IRAK1: variants seen among roughly 807,000 people sequenced by gnomAD.
The protein encoded by IRAK1 is interleukin-1 receptor-associated kinase 1.
IRAK1 carries 9 observed loss-of-function variants against 49.8 expected under a neutral mutation model. The observed-to-expected ratio is 0.18, with a 90% CI of 0.11 to 0.32. The LOEUF is 0.32. Ranked by LOEUF, IRAK1 falls within the 10% of genes least tolerant of loss-of-function variation. IRAK1 has a pLI of 1.00. For missense variants in IRAK1, 418 were observed against 600.5 expected (o/e 0.70, Z 3.18); for synonymous variants, 282 against 270.8 (o/e 1.04, Z -0.41).
rs1557131072 is a variant in IRAK1, at chrX:154,019,793, G to A, written c.20C>T (p.Pro7Leu). MAGGPG[P>L]GEPAAPGAQH... ...GGCGCCGGGGGCTGCGGGCTCCCCC[G>A]GGCCCGGCCCCCCGGCCATGGCTGC... Residue 7 changes from proline (P) to leucine (L), a missense_variant, in exon 1 of 14, where the codon CCG (proline) becomes CTG (leucine). Pro to Leu is a moderately conservative substitution (Grantham distance 98, BLOSUM62 -3). Coordinates refer to ENST00000369980, the MANE Select transcript of IRAK1 (RefSeq NM_001569.4). 5 of 887,733 alleles carry A rather than the reference G, an allele frequency of 5.6e-6. No homozygotes were observed. Among genetic ancestry groups the A allele is most frequent in the Non-Finnish European group, 5.5e-6 (4 of 725,223 alleles). The allele number at this position is 887,733 out of a possible 1,213,427, so 73.2% of individuals were successfully genotyped here.
chrX:154,017,941 C>G (rs782688370), intron 7 of IRAK1, 65 bp downstream of exon 7: 4 of 853,159 alleles, frequency 4.7e-6, no homozygotes, highest in Non-Finnish European at 7.0e-6. Context: ...GCCCCGCGCC[C>G]GGCTCCAGCC....
chrX:154,012,104 G>T, intron 13 of IRAK1, among the ~76,000 whole-genome samples, 187 bp from the exon 14 acceptor site: 1 of 112,721 alleles, frequency 8.9e-6, no homozygotes, highest in South Asian at 3.6e-4. Context: ...GGAGTGCAGT[G>T]GCTTGATCAC....
At chrX:154,018,150 AGGCCAGACTGGGTG>A in intron 6 of IRAK1, 30 bp from the exon 7 acceptor site, 1 of 1,144,648 alleles carries the variant, frequency 8.7e-7, no homozygotes, top group Non-Finnish European at 1.2e-6. Flanking sequence ...ACTTTCCATC[AGGCCAGACTGGGTG>A]GGCAGCCCTG....
At position 154,018,311 on chromosome X, in the gene IRAK1, G is replaced by A. The variant is rs375667983; in HGVS notation, c.774C>T (p.Thr258=). Residue 258 remains threonine (T), a synonymous_variant, in exon 6 of 14, where the codon ACC becomes ACT. Transcript: ENST00000369980. ...EWTAVKQSFL[T]EVEQLSRFRH... Reference sequence around the variant, plus strand: ...CTCACCTGGACAGCTGCTCCACCTCGGTCAGGAAGCTCTGCTTCACTGCAG... The same window carrying A: ...CTCACCTGGACAGCTGCTCCACCTCAGTCAGGAAGCTCTGCTTCACTGCAG... 61 of 1,164,498 alleles carry A rather than the reference G, an allele frequency of 5.2e-5. No individual in the cohort carries two copies. Among genetic ancestry groups the A allele is most frequent in the Non-Finnish European group, 6.8e-5 (59 of 870,807 alleles).
chrX:154,011,740 C>T lies in IRAK1; in HGVS notation c.*119G>A, dbSNP rs782783714. 84 of 706,853 alleles carry T rather than the reference C, an allele frequency of 1.2e-4. No homozygotes were observed. The highest frequency in any genetic ancestry group is 1.7e-4 in the Non-Finnish European group (76 of 438,871). The allele number at this position is 706,853 out of a possible 1,213,427, so 58.3% of individuals were successfully genotyped here. A position where few individuals can be genotyped will look rare whatever the true frequency, so the allele number is the denominator to read the frequency against. On this transcript the variant is annotated 3_prime_UTR_variant, in exon 14 of 14. Transcript: ENST00000369980. ...AGCAGGGCCACCTCCTTCTCTCCCC[C>T]GCGGGCATGGGCCCCCACCCCCACT...
In IRAK1 at chrX:154,011,582, C is replaced by A; in HGVS notation, c.*277G>T. On this transcript the variant is annotated 3_prime_UTR_variant, in exon 14 of 14. Coordinates refer to ENST00000369980, the MANE Select transcript of IRAK1 (RefSeq NM_001569.4). Reference sequence around the variant, plus strand: ...CACAGCAGCCCCTCTCCTCCCCTCACGGGTCTGTGCAGCCAGCAGCCTCCC... The same window carrying A: ...CACAGCAGCCCCTCTCCTCCCCTCAAGGGTCTGTGCAGCCAGCAGCCTCCC... 1 of 421,859 alleles carries A rather than the reference C, an allele frequency of 2.4e-6. No homozygotes were observed. The highest frequency in any genetic ancestry group is 4.3e-6 in the Non-Finnish European group (1 of 234,060). 34.8% of individuals were successfully genotyped at this position (421,859 alleles called of 1,213,427 possible).
chrX:154,018,334 C>A lies in IRAK1; in HGVS notation c.751G>T (p.Ala251Ser). ...TCGGTCAGGAAGCTCTGCTTCACTG[C>A]AGTCCACTCCAGGTCAGCGTTCTGC... is the stretch of plus-strand genomic sequence containing the variant. ...LKENADLEWT[A>S]VKQSFLTEVE... Residue 251 changes from alanine (A) to serine (S), a missense_variant, in exon 6 of 14, where the codon GCA becomes TCA. By Grantham distance (99) the Ala-to-Ser change is moderately conservative. Coordinates refer to ENST00000369980, the MANE Select transcript of IRAK1 (RefSeq NM_001569.4). 8.6e-7 allele frequency: 1 copy of A among 1,166,639 alleles called. No homozygotes were observed. The highest frequency in any genetic ancestry group is 1.1e-6 in the Non-Finnish European group (1 of 871,271).
Position 154,018,050 on chromosome X carries a change from C to T in IRAK1, c.865G>A (p.Gly289Ser), listed in dbSNP as rs782764788. Residue 289 changes from glycine (G) to serine (S), a missense_variant, in exon 7 of 14, where the codon GGC (glycine) becomes AGC (serine). Transcript: ENST00000369980. ...AQNGFYCLVY[G>S]FLPNGSLEDR... ...TCCAGGGAGCCGTTGGGCAGGAAGC[C>T]GTACACCAGGCAGTAGAAGCCGTTC... The T allele has an allele frequency of 4.4e-5, 53 of 1,209,553 alleles. No homozygotes were observed. The highest frequency in any genetic ancestry group is 5.7e-5 in the Non-Finnish European group (51 of 894,408).
At position 154,012,792 on chromosome X, in the gene IRAK1, G is replaced by T. The variant is rs998459118; in HGVS notation, c.1931-114C>A. On this transcript the variant is annotated intron_variant, in intron 12 of 13. Coordinates refer to ENST00000369980, the MANE Select transcript of IRAK1 (RefSeq NM_001569.4). Reference sequence around the variant, plus strand: ...TTCCTCAGAGAAGTCCAAGGGCAGGGCCCAGCTCTCAGGCTACCAGACAGA... The same window carrying T: ...TTCCTCAGAGAAGTCCAAGGGCAGGTCCCAGCTCTCAGGCTACCAGACAGA... 9.0e-6 allele frequency: 8 copies of T among 892,248 alleles called. No individual in the cohort carries two copies. In the Admixed American group the frequency reaches 1.9e-4, roughly 21 times the overall value. 73.5% of individuals were successfully genotyped at this position (892,248 alleles called of 1,213,427 possible). A position where few individuals can be genotyped will look rare whatever the true frequency, so the allele number is the denominator to read the frequency against.
rs1390348243 is a variant in IRAK1 at position 154,017,123 on chromosome X, A to G, written c.910-56T>C. 2.3e-5 allele frequency: 17 copies of G among 741,630 alleles called. No individual in the cohort carries two copies. The South Asian group carries it at 3.6e-4, about 16-fold the overall frequency. The allele number at this position is 741,630 out of a possible 1,213,427, so 61.1% of individuals were successfully genotyped here. ...GCTGGATGGCCGTTCCTTGATCCCAACCATCCTTCTACCTGTCACCGTGCA... is the reference window on the plus strand; with the variant it reads ...GCTGGATGGCCGTTCCTTGATCCCAGCCATCCTTCTACCTGTCACCGTGCA... On this transcript the variant is annotated intron_variant, in intron 7 of 13. Coordinates refer to ENST00000369980, the MANE Select transcript of IRAK1 (RefSeq NM_001569.4).
rs376661367 is a variant in IRAK1, at chrX:154,013,903, A to G, written c.1539+139T>C. On this transcript the variant is annotated intron_variant, in intron 11 of 13. Transcript: ENST00000369980. ...CTCAGTTCAGAGGGGCGCTGCCCCA[A>G]ACAGAACCAAAGGGCAAGCAAGAAA... is the stretch of plus-strand genomic sequence containing the variant. The G allele has an allele frequency of 2.4e-4, 219 of 901,810 alleles. 2 individuals are homozygous for G. The East Asian group carries it at 6.9e-3, about 28-fold the overall frequency. 74.3% of individuals were successfully genotyped at this position (901,810 alleles called of 1,213,427 possible).
chrX:154,019,157 T>G (rs1557130647), intron 3 of IRAK1, 40 bp downstream of exon 3: 2 of 1,209,472 alleles, frequency 1.7e-6, no homozygotes, highest in South Asian at 3.5e-5. Context: ...AGGTGGGCTC[T>G]TCTTTGGGTC....
rs1557128116 is a variant in IRAK1 at position 154,013,300 on chromosome X, G to A, written c.1673C>T (p.Ala558Val). 8.3e-7 allele frequency: 1 copy of A among 1,209,533 alleles called. No homozygotes were observed. Among genetic ancestry groups the A allele is most frequent in the Admixed American group, 2.2e-5 (1 of 45,703 alleles). ...VSSTGRAHSG[A>V]APWQPLAAPS... ...CGCTGCCAGGGGCTGCCATGGAGCA[G>A]CCCCACTGTGGGCTCTGCCAGTGCT... The change falls in exon 12 of 14, where the codon GCT (alanine) becomes GTT (valine). Residue 558 changes from alanine (A) to valine (V), a missense_variant. Physicochemically the swap from Ala to Val is moderately conservative, Grantham distance 64 (BLOSUM62 0). This residue lies in a region of IRAK1 where 377 missense variants were observed against 499.5 expected (regional missense o/e 0.75). Coordinates refer to ENST00000369980, the MANE Select transcript of IRAK1 (RefSeq NM_001569.4).
At chrX:154,014,377 A>T in intron 10 of IRAK1, 99 bp from the exon 11 acceptor site, 2 of 402,688 alleles carry the variant, frequency 5.0e-6, no homozygotes, top group South Asian at 3.4e-5. Context: ...TTGATAAAAA[A>T]AAAAAAAAAA....
intron 2 of IRAK1, 22 bp downstream of exon 2, chrX:154,019,409 G>A: frequency 9.0e-7 from 1 of 1,107,718 alleles, no homozygotes; most frequent in Non-Finnish European, 1.2e-6. Flanking sequence ...CAGCCGTGGG[G>A]TGCCCGGAGT....
At chrX:154,012,377 C>A (rs1226963066) in intron 13 of IRAK1, 152 bp downstream of exon 13, 9 of 555,758 alleles carry the variant, frequency 1.6e-5, no homozygotes, top group Non-Finnish European at 2.5e-5. Context: ...CTAAGGGAGG[C>A]ATGTGGGGCC....
At chrX:154,014,803 C>T in intron 10 of IRAK1, among the ~76,000 whole-genome samples, 2 of 112,043 alleles carry the variant, frequency 1.8e-5, no homozygotes, top group Middle Eastern at 4.6e-3. Flanking sequence ...GCTCTGGGCC[C>T]TAGGGATACA....
Position 154,011,420 on chromosome X carries a change from G to A in IRAK1, c.*439C>T, listed in dbSNP as rs1557127380. The A allele has an allele frequency of 4.0e-6, 1 of 247,681 alleles. No individual in the cohort carries two copies. The highest frequency in any genetic ancestry group is 7.5e-6 in the Non-Finnish European group (1 of 133,181). The allele number at this position is 247,681 out of a possible 1,213,427, so 20.4% of individuals were successfully genotyped here. A position where few individuals can be genotyped will look rare whatever the true frequency, so the allele number is the denominator to read the frequency against. On this transcript the variant is annotated 3_prime_UTR_variant, in exon 14 of 14. Transcript: ENST00000369980. ...TTTCCAAATTGTAAGCAGGTAGGAGGGCCCTAGGCCTCGTCGGCCCCATTG... is the reference window on the plus strand; with the variant it reads ...TTTCCAAATTGTAAGCAGGTAGGAGAGCCCTAGGCCTCGTCGGCCCCATTG...
At position 154,011,684 on chromosome X, in the gene IRAK1, TCTGC is replaced by T. The variant is rs1453425002; in HGVS notation, c.*171_*174del. ...TGCTGGCATGGAGGCAGGGTTCCAC[TCTGC>T]CTGCCTATGCCCACAGAGCCTAGAA... On this transcript the variant is annotated 3_prime_UTR_variant, in exon 14 of 14. Coordinates refer to ENST00000369980, the MANE Select transcript of IRAK1 (RefSeq NM_001569.4). 2 of 527,280 alleles carry T rather than the reference TCTGC, an allele frequency of 3.8e-6. No individual in the cohort carries two copies. Among genetic ancestry groups the T allele is most frequent in the Non-Finnish European group, 6.9e-6 (2 of 291,083 alleles). The allele number at this position is 527,280 out of a possible 1,213,427, so 43.5% of individuals were successfully genotyped here.
Sources: gnomAD v4.1 joint callset for allele counts (sites outside exome capture counted in the v4.1 genomes callset) on GRCh38, gnomAD v4.1.1 for gene constraint, gnomAD v4.1.1 regional missense constraint, MANE v1.5 for transcripts, NCBI Gene and HGNC (gene_info 2026-07-23, HGNC 2026-07-21) for gene names.